NAALADL2: variants seen among roughly 807,000 people sequenced by gnomAD.
NAALADL2 encodes the protein N-acetylated alpha-linked acidic dipeptidase like 2.
Under a neutral mutation model 87.2 loss-of-function variants are expected in NAALADL2, and 76 were observed. The ratio of observed to expected loss-of-function variants is 0.87; its 90% CI spans 0.72 to 1.05. The LOEUF (loss-of-function observed/expected upper bound fraction) is 1.05. Ranked by LOEUF, NAALADL2 falls within the 50% of genes least tolerant of loss-of-function variation. NAALADL2 has a pLI of 0.00. For synonymous variants in NAALADL2, 354 were observed against 331.0 expected (o/e 1.07, Z -0.75); for missense variants, 1,089 against 945.8 (o/e 1.15, Z -1.99).
At chr3:175,731,456 C>G (rs1406770683) in intron 11 of NAALADL2, among the ~76,000 whole-genome samples, 1 of 152,096 alleles carries the variant, frequency 6.6e-6, no homozygotes, top group Non-Finnish European at 1.5e-5. Context: ...CTACCTGTCT[C>G]TTAGGGTTGT....
intron 3 of NAALADL2, among the ~76,000 whole-genome samples, chr3:175,250,735 C>T (rs1293662318): frequency 6.6e-6 from 1 of 152,108 alleles, no homozygotes; most frequent in African/African-American, 2.4e-5. Flanking sequence ...TTTTCCTTAT[C>T]TATAAAACAG....
Position 175,699,276 on chromosome 3 carries a change from A to T in NAALADL2, c.1897-38030A>T, listed in dbSNP as rs1398971893. ...ACCATAAATCTTAATACAAAGCACT[A>T]CATATATATAATTATTATAATTAAT... is the stretch of plus-strand genomic sequence containing the variant. On this transcript the variant is annotated intron_variant, in intron 11 of 13. Coordinates refer to ENST00000454872, the MANE Select transcript of NAALADL2 (RefSeq NM_207015.3). Among the ~76,000 whole-genome samples, 3 of 151,994 alleles carry T rather than the reference A, an allele frequency of 2.0e-5. No individual in the cohort carries two copies. In the East Asian group the frequency reaches 5.8e-4, roughly 29 times the overall value.
chr3:174,696,526 T>A (rs1379943483), intron 2 of NAALADL2, among the ~76,000 whole-genome samples: 1 of 150,438 alleles, frequency 6.6e-6, no homozygotes, highest in Non-Finnish European at 1.5e-5. Context: ...ATTAATTACC[T>A]TACCTTTTTC....
intron 6 of NAALADL2, among the ~76,000 whole-genome samples, chr3:175,449,615 G>A (rs1279145870): frequency 1.3e-5 from 2 of 151,312 alleles, no homozygotes; most frequent in African/African-American, 2.4e-5. Flanking sequence ...GGATGGTCTC[G>A]ATTTCCTGAC....
At chr3:174,522,852 T>TG (rs1720401907) in intron 1 of NAALADL2, among the ~76,000 whole-genome samples, 1 of 140,770 alleles carries the variant, frequency 7.1e-6, no homozygotes, top group African/African-American at 2.7e-5. Flanking sequence ...GAGAATGGCG[T>TG]GAACCCGGGA....
At chr3:174,962,433 G>GTCATAGTGACTATGACA (rs1742245895) in intron 1 of NAALADL2, among the ~76,000 whole-genome samples, 7 of 52,246 alleles carry the variant, frequency 1.3e-4, no homozygotes, top group Non-Finnish European at 2.0e-4. Flanking sequence ...ATATATATAT[G>GTCATAGTGACTATGACA]TATATTTTTA....
chr3:175,059,693 T>G (rs1250158128), intron 1 of NAALADL2: 1 of 319,928 alleles, frequency 3.1e-6, no homozygotes, highest in African/African-American at 2.2e-5. Context: ...CTTTGCTGCT[T>G]CACCTTCCTC....
chr3:175,413,440 G>A (rs899373712), intron 5 of NAALADL2, among the ~76,000 whole-genome samples: 5 of 151,048 alleles, frequency 3.3e-5, no homozygotes, highest in African/African-American at 4.9e-5. Flanking sequence ...GCATGGTAGC[G>A]TCACCTGTAG....
At chr3:175,788,551 A>C (rs995370644) in intron 13 of NAALADL2, among the ~76,000 whole-genome samples, 3 of 152,200 alleles carry the variant, frequency 2.0e-5, no homozygotes, top group African/African-American at 7.2e-5. Context: ...AACCTATACC[A>C]TGAAGCCTAG....
intron 2 of NAALADL2, among the ~76,000 whole-genome samples, chr3:175,155,639 G>A (rs560101821): frequency 6.6e-6 from 1 of 152,100 alleles, no homozygotes; most frequent in East Asian, 1.9e-4. Context: ...CTATGTATGT[G>A]TGATTATTAG....
intron 11 of NAALADL2, chr3:175,675,366 T>TGAATAGTG (rs1340140739): frequency 2.0e-5 from 3 of 152,218 alleles, no homozygotes; most frequent in Admixed American, 2.0e-4. Flanking sequence ...TCTTTGAGTG[T>TGAATAGTG]GAATAGTGGT....
At chr3:175,059,998 C>T in intron 1 of NAALADL2, 1 of 430,978 alleles carries the variant, frequency 2.3e-6, no homozygotes, top group South Asian at 1.9e-5. Context: ...CACATGGAGG[C>T]CAGCAGGGCT....
At chr3:174,573,700 G>A (rs1715187668) in intron 2 of NAALADL2, among the ~76,000 whole-genome samples, 1 of 151,958 alleles carries the variant, frequency 6.6e-6, no homozygotes. Flanking sequence ...GGGGAGGGAA[G>A]GTGCCACACT....
At chr3:175,432,827 G>A (rs1421586963) in intron 5 of NAALADL2, among the ~76,000 whole-genome samples, 1 of 152,046 alleles carries the variant, frequency 6.6e-6, no homozygotes, top group Non-Finnish European at 1.5e-5. Context: ...ACTTTGACAT[G>A]CTGACCACTC....
rs557453207 is a variant in NAALADL2, at chr3:175,347,930, C to A, written c.1090+23605C>A. 2.0e-5 allele frequency among the ~76,000 whole-genome samples: 3 copies of A among 152,190 alleles called. No individual in the cohort carries two copies. The East Asian group carries it at 5.8e-4, about 29-fold the overall frequency. ...GCCCCAGTATGTGATGTTCCCCTCC[C>A]TGTGTCCATGTGTTCTCATTGTTCA... On this transcript the variant is annotated intron_variant, in intron 5 of 13. Transcript: ENST00000454872.
At chr3:175,559,611 T>C (rs1044951489) in intron 9 of NAALADL2, among the ~76,000 whole-genome samples, 7 of 152,154 alleles carry the variant, frequency 4.6e-5, no homozygotes, top group Non-Finnish European at 8.8e-5. Context: ...TGAGGTATGT[T>C]TTTCTATACC....
chr3:174,765,400 A>G (rs1008268524), intron 3 of NAALADL2, among the ~76,000 whole-genome samples: 2 of 152,210 alleles, frequency 1.3e-5, no homozygotes, highest in East Asian at 3.8e-4. Flanking sequence ...TTATTACTAA[A>G]TAAGTAATAG....
At chr3:174,778,147 T>C (rs937311244) in intron 3 of NAALADL2, among the ~76,000 whole-genome samples, 10 of 152,092 alleles carry the variant, frequency 6.6e-5, no homozygotes, top group Non-Finnish European at 8.8e-5. Flanking sequence ...CTCAAAATAA[T>C]GTTGAACTCT....
At chr3:174,710,490 G>A (rs1311667771) in intron 2 of NAALADL2, among the ~76,000 whole-genome samples, 1 of 152,046 alleles carries the variant, frequency 6.6e-6, no homozygotes, top group Non-Finnish European at 1.5e-5. Context: ...CAGACCTCAG[G>A]TGGTCTGCCC....
Sources: gnomAD v4.1 joint callset for allele counts (sites outside exome capture counted in the v4.1 genomes callset) on GRCh38, gnomAD v4.1.1 for gene constraint, MANE v1.5 for transcripts, NCBI Gene and HGNC (gene_info 2026-07-23, HGNC 2026-07-21) for gene names.